The following CUEDC1 variants were observed in gnomAD, a reference collection of about 807,000 sequenced individuals.
The protein encoded by CUEDC1 is CUE domain containing 1.
A neutral mutation model predicts 43.7 loss-of-function variants in CUEDC1; 30 were observed. That is an observed-to-expected ratio of 0.69 (90% CI 0.51 to 0.93). The LOEUF (loss-of-function observed/expected upper bound fraction) is 0.93. Among genes scored for constraint, CUEDC1 ranks in the 40% least tolerant of loss-of-function variants. The pLI is 0.00. For missense variants in CUEDC1, 486 were observed against 549.0 expected, an observed-to-expected ratio of 0.89 and a Z score of 1.15; for synonymous variants, 223 against 223.6, an observed-to-expected ratio of 1.00 and a Z score of 0.02.
At chr17:57,873,868 T>C (rs751553243) in intron 3 of CUEDC1, 151 bp from the exon 4 acceptor site, 1 of 769,556 alleles carries the variant, frequency 1.3e-6, no homozygotes, top group Non-Finnish European at 1.9e-6. Flanking sequence ...CGTCACTCTG[T>C]CTCATCACTG....
intron 3 of CUEDC1, among the ~76,000 whole-genome samples, chr17:57,877,272 G>T (rs892448127): frequency 7.2e-5 from 11 of 152,160 alleles, no homozygotes; most frequent in African/African-American, 2.4e-4. Flanking sequence ...CCCACCCACA[G>T]CAGGCTGAAC....
rs565147296 is a variant in CUEDC1, at chr17:57,899,164, G to C, written c.-315-13285C>G. Among the ~76,000 whole-genome samples, 8 of 152,298 alleles carry C rather than the reference G, an allele frequency of 5.3e-5. 1 individual carries two copies. The East Asian group carries it at 1.5e-3, about 29-fold the overall frequency. On this transcript the variant is annotated intron_variant, in intron 1 of 10. Coordinates refer to ENST00000577830, the MANE Select transcript of CUEDC1 (RefSeq NM_001271875.2). Reference sequence around the variant, plus strand: ...GAGGCCGCCCGCCTCAGGCAGCCGGGACACCATCAGAAATTCCACCCAGAG... The same window carrying C: ...GAGGCCGCCCGCCTCAGGCAGCCGGCACACCATCAGAAATTCCACCCAGAG...
intron 1 of CUEDC1, among the ~76,000 whole-genome samples, chr17:57,928,369 GA>G (rs59204179): frequency 0.12 from 18,804 of 151,952 alleles, 1,252 homozygotes; most frequent in Non-Finnish European, 0.16. Context: ...CTAACACGGT[GA>G]AACCCCATCT....
chr17:57,927,606 G>A (rs2074761159), intron 1 of CUEDC1, among the ~76,000 whole-genome samples: 1 of 152,148 alleles, frequency 6.6e-6, no homozygotes, highest in Non-Finnish European at 1.5e-5. Context: ...AGGCTTCTAG[G>A]AGCCCTGCTC....
At chr17:57,899,785 G>A (rs759773984) in intron 1 of CUEDC1, among the ~76,000 whole-genome samples, 2 of 151,868 alleles carry the variant, frequency 1.3e-5, no homozygotes, top group Non-Finnish European at 2.9e-5. Context: ...TCCCCTCTTC[G>A]CCCAACTCTG....
chr17:57,937,269 A>G (rs1236813121), intron 1 of CUEDC1, among the ~76,000 whole-genome samples: 4 of 152,172 alleles, frequency 2.6e-5, no homozygotes, highest in African/African-American at 9.7e-5. Flanking sequence ...GGTACTATGG[A>G]TATCCTCATT....
chr17:57,897,949 G>A (rs542536787), intron 1 of CUEDC1, among the ~76,000 whole-genome samples: 1 of 152,088 alleles, frequency 6.6e-6, no homozygotes, highest in African/African-American at 2.4e-5. Context: ...GGATGCAGAG[G>A]TTGCAATGAG....
intron 1 of CUEDC1, among the ~76,000 whole-genome samples, chr17:57,887,316 G>T (rs911403732): frequency 1.3e-5 from 2 of 152,186 alleles, no homozygotes; most frequent in African/African-American, 2.4e-5. Context: ...CACTGCCAAG[G>T]TTGCATTTCT....
intron 5 of CUEDC1, among the ~76,000 whole-genome samples, chr17:57,872,081 G>A (rs1024148376): frequency 2.0e-5 from 3 of 152,156 alleles, no homozygotes; most frequent in East Asian, 1.9e-4. Flanking sequence ...TCACGCTGTG[G>A]CCGTCACAGG....
At chr17:57,931,566 A>G (rs1047522449) in intron 1 of CUEDC1, among the ~76,000 whole-genome samples, 7 of 152,082 alleles carry the variant, frequency 4.6e-5, no homozygotes, top group Non-Finnish European at 8.8e-5. Context: ...GGGGAAAGAG[A>G]GTTCCTGGGC....
At chr17:57,896,040 C>G (rs185623655) in intron 1 of CUEDC1, among the ~76,000 whole-genome samples, 23 of 152,292 alleles carry the variant, frequency 1.5e-4, no homozygotes, top group African/African-American at 5.3e-4. Flanking sequence ...AATTTAGCAT[C>G]CGAACATGCC....
rs565131994 is a variant in CUEDC1, at chr17:57,873,657, T to C, written c.525A>G (p.Pro175=). The C allele has an allele frequency of 5.0e-6, 8 of 1,605,184 alleles. No homozygotes were observed. In the South Asian group the frequency reaches 7.8e-5, roughly 16 times the overall value. ...CATCCGGAAGGTTGCCCAGCAGTGGTGGGTTCCAGTTCCGATAGCGTCTCT... is the reference window on the plus strand; with the variant it reads ...CATCCGGAAGGTTGCCCAGCAGTGGCGGGTTCCAGTTCCGATAGCGTCTCT... The part of the protein sequence containing the change: ...TSQRRYRNWN[P]PLLGNLPDDF... The change falls in exon 4 of 11, where the codon CCA becomes CCG. Residue 175 remains proline, a synonymous_variant. Coordinates refer to ENST00000577830, the MANE Select transcript of CUEDC1 (RefSeq NM_001271875.2).
chr17:57,864,560 A>T (rs1350583664), intron 10 of CUEDC1, among the ~76,000 whole-genome samples: 1 of 152,062 alleles, frequency 6.6e-6, no homozygotes, highest in Non-Finnish European at 1.5e-5. Context: ...GCACCATAAG[A>T]ATGCAGAAGA....
intron 1 of CUEDC1, among the ~76,000 whole-genome samples, chr17:57,950,474 T>C (rs1461792638): frequency 6.8e-6 from 1 of 147,208 alleles, no homozygotes; most frequent in Admixed American, 6.7e-5. Flanking sequence ...TTTTTATTTA[T>C]TTATTTTTTT....
rs1430120677 is a variant in CUEDC1 at position 57,955,083 on chromosome 17, C to T, written c.-316+142G>A. 6.6e-6 allele frequency: 1 copy of T among 150,512 alleles called. No homozygotes were observed. Among genetic ancestry groups the T allele is most frequent in the Non-Finnish European group, 1.5e-5 (1 of 67,458 alleles). The allele number at this position is 150,512 out of a possible 1,614,324, so 9.3% of individuals were successfully genotyped here. A position where few individuals can be genotyped will look rare whatever the true frequency, so the allele number is the denominator to read the frequency against. ...CCCGGGAATCAAACTCGCGACGGCCCGGCCCTCCCGGCGGCGCCTGGGCAA... is the reference window on the plus strand; with the variant it reads ...CCCGGGAATCAAACTCGCGACGGCCTGGCCCTCCCGGCGGCGCCTGGGCAA... On this transcript the variant is annotated intron_variant, in intron 1 of 10. Transcript: ENST00000577830. The surrounding 1 kb of genome is among the most constrained non-coding windows in gnomAD (Gnocchi z 5.3).
chr17:57,909,250 C>A (rs1181672605), intron 1 of CUEDC1, among the ~76,000 whole-genome samples: 2 of 152,130 alleles, frequency 1.3e-5, no homozygotes, highest in African/African-American at 4.8e-5. Flanking sequence ...CCGCCTCAGC[C>A]TCCCAAAGTG....
At chr17:57,935,691 G>A (rs955274524) in intron 1 of CUEDC1, among the ~76,000 whole-genome samples, 56 of 152,144 alleles carry the variant, frequency 3.7e-4, no homozygotes, top group African/African-American at 7.7e-4. Context: ...TGTTTACCCC[G>A]GGTGCAGCCA....
intron 1 of CUEDC1, among the ~76,000 whole-genome samples, chr17:57,889,018 GT>G (rs941213235): frequency 4.6e-5 from 7 of 152,250 alleles, no homozygotes; most frequent in African/African-American, 1.7e-4. Context: ...CTCTCTGAGT[GT>G]TGAGAAGCTC....
intron 1 of CUEDC1, among the ~76,000 whole-genome samples, chr17:57,944,212 T>TATA (rs1567726635): frequency 8.4e-6 from 1 of 119,146 alleles, no homozygotes; most frequent in African/African-American, 3.4e-5. Flanking sequence ...ATATATATAT[T>TATA]TTTTTTTTTT....
Sources: gnomAD v4.1 joint callset for allele counts (sites outside exome capture counted in the v4.1 genomes callset) on GRCh38, gnomAD v4.1.1 for gene constraint, Gnocchi (gnomAD v3.1) non-coding constraint, MANE v1.5 for transcripts, NCBI Gene and HGNC (gene_info 2026-07-23, HGNC 2026-07-21) for gene names.